The following CLUH variants were observed in gnomAD, a reference collection of about 807,000 sequenced individuals.
CLUH encodes the protein CLUH binding protein of NUMT mRNA, also known as clustered mitochondria protein homolog.
In CLUH, 77 loss-of-function variants were observed where a neutral mutation model predicts 139.3. The observed-to-expected ratio is 0.55, with a 90% CI of 0.46 to 0.67. The LOEUF (loss-of-function observed/expected upper bound fraction) is 0.67, where lower values mean the gene tolerates loss of function less well. CLUH is among the 30% of genes least tolerant of loss of function. The pLI is 0.00. For missense variants in CLUH, 1,876 were observed against 1,875.8 expected, an observed-to-expected ratio of 1.00 and a Z score of 0.00; for synonymous variants, 999 against 801.6, an observed-to-expected ratio of 1.25 and a Z score of -4.16.
intron 10 of CLUH, among the ~76,000 whole-genome samples, chr17:2,697,401 G>GGAAA (rs773741960): frequency 1.6e-5 from 2 of 121,754 alleles, no homozygotes; most frequent in African/African-American, 6.0e-5. Flanking sequence ...CTCCGTCTCA[G>GGAAA]AAAAAAAAAA....
At position 2,700,420 on chromosome 17, in the gene CLUH, G is replaced by C; in HGVS notation, c.1228C>G (p.Leu410Val). ...QTTRELPRKNLPERLLRERAI... is the reference protein window; with the variant it reads ...QTTRELPRKNVPERLLRERAI... ...CTTTCTCGGAGCAGCCGCTCAGGCA[G>C]GTTCTTGCGAGGCAGCTCCCTCGTC... Residue 410 changes from leucine (L) to valine (V), a missense_variant, in exon 9 of 26, where the codon CTG (leucine) becomes GTG (valine). Physicochemically the swap from Leu to Val is conservative, Grantham distance 32. Around this residue, in one of 3 missense-constraint regions of CLUH, gnomAD observed 1,454 missense variants for 1,384.4 expected, o/e 1.05. Coordinates refer to ENST00000651024, the MANE Select transcript of CLUH (RefSeq NM_001366661.1). The C allele has an allele frequency of 6.2e-7, 1 of 1,613,530 alleles. No individual in the cohort carries two copies.
Position 2,707,300 on chromosome 17 carries a change from C to A in CLUH, c.101-2736G>T. ...TCCTTGTTCCAGCCTCTGCCGCTAC[C>A]CTTGCCCTAATGCAGCCAGTCGGCC... On this transcript the variant is annotated intron_variant, in intron 1 of 25. Coordinates refer to ENST00000651024, the MANE Select transcript of CLUH (RefSeq NM_001366661.1). This position sits in a 1 kb window ranked among gnomAD's most constrained non-coding sequence, Gnocchi z 7.4. 1 of 985,448 alleles carries A rather than the reference C, an allele frequency of 1.0e-6. No homozygotes were observed. The highest frequency in any genetic ancestry group is 1.2e-6 in the Non-Finnish European group (1 of 829,932). 61.0% of individuals were successfully genotyped at this position (985,448 alleles called of 1,614,324 possible).
rs999020276 is a variant in CLUH at position 2,700,420 on chromosome 17, G to A, written c.1228C>T (p.Leu410=). 6.2e-7 allele frequency: 1 copy of A among 1,613,530 alleles called. No individual in the cohort carries two copies. The highest frequency in any genetic ancestry group is 8.5e-7 in the Non-Finnish European group (1 of 1,179,850). ...QTTRELPRKN[L]PERLLRERAI... is the part of the protein sequence containing the mutation. The stretch of plus-strand genomic sequence containing the variant: ...CTTTCTCGGAGCAGCCGCTCAGGCA[G>A]GTTCTTGCGAGGCAGCTCCCTCGTC... Residue 410 remains leucine, a synonymous_variant, in exon 9 of 26, where the codon CTG becomes TTG. Coordinates refer to ENST00000651024, the MANE Select transcript of CLUH (RefSeq NM_001366661.1).
chr17:2,690,789 G>T lies in CLUH; in HGVS notation c.3864-12C>A. On this transcript the variant is annotated splice_polypyrimidine_tract_variant and intron_variant, in intron 25 of 25. Coordinates refer to ENST00000651024, the MANE Select transcript of CLUH (RefSeq NM_001366661.1). ...CCAGGTCTTTTTGGCTGAGGATAAG[G>T]GTGGGGATGGAGGTGGCTCTCAGAG... 6.8e-7 allele frequency: 1 copy of T among 1,481,302 alleles called. No homozygotes were observed. The highest frequency in any genetic ancestry group is 1.4e-5 in the South Asian group (1 of 71,148). The allele number at this position is 1,481,302 out of a possible 1,614,324, so 91.8% of individuals were successfully genotyped here. A position where few individuals can be genotyped will look rare whatever the true frequency, so the allele number is the denominator to read the frequency against.
In CLUH at chr17:2,695,379, C is replaced by T. The variant is rs114233864; in HGVS notation, c.2539G>A (p.Val847Ile). 593 of 1,612,878 alleles carry T rather than the reference C, an allele frequency of 3.7e-4. 1 individual carries two copies. In the African/African-American group the frequency reaches 7.2e-3, roughly 19 times the overall value. Reference protein sequence around the residue: ...RSPARHQLDHVFKIGIGELIT... With the variant: ...RSPARHQLDHIFKIGIGELIT... ...CCACCCCGGGCAGCACTCACAAAGA[C>T]GTGGTCCAGCTGGTGGCGGGCCGGG... Residue 847 changes from valine to isoleucine, a missense_variant, in exon 14 of 26, where the codon GTC (valine) becomes ATC (isoleucine). Coordinates refer to ENST00000651024, the MANE Select transcript of CLUH (RefSeq NM_001366661.1).
In CLUH at chr17:2,704,496, C is replaced by T. The variant is rs372091511; in HGVS notation, c.169G>A (p.Glu57Lys). The change falls in exon 2 of 26, where the codon GAG becomes AAG. Residue 57 changes from glutamate (E) to lysine (K), a missense_variant. Glu to Lys is a moderately conservative substitution (Grantham distance 56). This residue lies in a region of CLUH where 152 missense variants were observed against 136.7 expected (regional missense o/e 1.11). Transcript: ENST00000651024. This position sits in a 1 kb window ranked among gnomAD's most constrained non-coding sequence, Gnocchi z 5.7. ...ESLKKEAAAAEPPRENGLDEA... is the reference protein window; with the variant it reads ...ESLKKEAAAAKPPRENGLDEA... ...TCAAGCCCATTTTCCCTGGGTGGCTCGGCCGCCGCCGCCTCCTTCTTCAGG... is the reference window on the plus strand; with the variant it reads ...TCAAGCCCATTTTCCCTGGGTGGCTTGGCCGCCGCCGCCTCCTTCTTCAGG... The T allele has an allele frequency of 1.6e-5, 25 of 1,587,284 alleles. No individual in the cohort carries two copies. The highest frequency in any genetic ancestry group is 5.4e-5 in the African/African-American group (4 of 74,366).
intron 9 of CLUH, among the ~76,000 whole-genome samples, chr17:2,698,822 C>A (rs2070071677): frequency 6.6e-6 from 1 of 152,024 alleles, no homozygotes; most frequent in South Asian, 2.1e-4. Context: ...GGCGGTCAGA[C>A]CACTTGAGGT....
rs367611914 is a variant in CLUH, at chr17:2,695,506, G to A, written c.2412C>T (p.His804=). 75 of 1,604,914 alleles carry A rather than the reference G, an allele frequency of 4.7e-5. No individual in the cohort carries two copies. The Middle Eastern group carries it at 4.9e-4, about 11-fold the overall frequency. ...IPGLVKDCME[H]AVLPVDGATL... ...TTGCCCCGTCCACGGGCAGGACCGC[G>A]TGCTCCATGCAGTCCTTCACCTGCG... Residue 804 remains histidine, a synonymous_variant, in exon 14 of 26, where the codon CAC becomes CAT. Transcript: ENST00000651024.
Position 2,698,276 on chromosome 17 carries a change from G to A in CLUH, c.1581C>T (p.Pro527=), listed in dbSNP as rs371039833. ...GYRVTAQSII[P]GILERDQEQS... is the part of the protein sequence containing the mutation. ...GCTCCTGGTCCCGCTCCAGGATGCC[G>A]GGGATGATGGACTGGGCCGTGACCC... Residue 527 remains proline (P), a synonymous_variant, in exon 10 of 26, where the codon CCC becomes CCT. Coordinates refer to ENST00000651024, the MANE Select transcript of CLUH (RefSeq NM_001366661.1). The A allele has an allele frequency of 4.0e-5, 64 of 1,610,692 alleles. No individual in the cohort carries two copies. Among genetic ancestry groups the A allele is most frequent in the Middle Eastern group, 3.3e-4 (2 of 6,082 alleles).
In CLUH at chr17:2,689,552, C is replaced by T. The variant is rs981744835; in HGVS notation, c.*1042G>A. 6.5e-6 allele frequency: 1 copy of T among 152,854 alleles called. No homozygotes were observed. The highest frequency in any genetic ancestry group is 1.5e-5 in the Non-Finnish European group (1 of 68,228). 9.5% of individuals were successfully genotyped at this position (152,854 alleles called of 1,614,324 possible). The stretch of plus-strand genomic sequence containing the variant: ...CGGACCACACCCATAAGCGGCTCTC[C>T]GCAAACCCAGGCAGACGCCCGTCTC... On this transcript the variant is annotated 3_prime_UTR_variant, in exon 26 of 26. Transcript: ENST00000651024.
chr17:2,692,551 C>T lies in CLUH; in HGVS notation c.3438+20G>A, dbSNP rs746125770. 5 of 1,605,184 alleles carry T rather than the reference C, an allele frequency of 3.1e-6. No individual in the cohort carries two copies. Among genetic ancestry groups the T allele is most frequent in the Non-Finnish European group, 2.5e-6 (3 of 1,176,810 alleles). On this transcript the variant is annotated intron_variant, in intron 21 of 25. Transcript: ENST00000651024. ...TGGGATGGAGCTGGGTCCCTGCCGCCCCCCCGCCCCAGCACTCACGTCCAG... is the reference window on the plus strand; with the variant it reads ...TGGGATGGAGCTGGGTCCCTGCCGCTCCCCCGCCCCAGCACTCACGTCCAG...
Position 2,693,985 on chromosome 17 carries a change from T to C in CLUH, c.3146A>G (p.Asn1049Ser). 1.2e-6 allele frequency: 2 copies of C among 1,613,790 alleles called. No individual in the cohort carries two copies. The highest frequency in any genetic ancestry group is 1.7e-6 in the Non-Finnish European group (2 of 1,179,802). ...LINEALNLFN[N>S]VYGAMHVETC... ...CTCCACGTGCATGGCTCCGTAGACG[T>C]TGTTAAACAGGTTCAGGGCCTCATT... The change falls in exon 19 of 26, where the codon AAC becomes AGC. Residue 1049 changes from asparagine to serine, a missense_variant. Coordinates refer to ENST00000651024, the MANE Select transcript of CLUH (RefSeq NM_001366661.1).
Position 2,692,633 on chromosome 17 carries a change from G to T in CLUH, c.3376C>A (p.Arg1126Ser). 6.2e-7 allele frequency: 1 copy of T among 1,612,812 alleles called. No homozygotes were observed. ...ACCAGCAGCATGAGGTAGCGGGCGC[G>T]GTACAGCAGGCTCAGGGCGGTGGAC... Reference protein sequence around the residue: ...QLSTALSLLYRARYLMLLVFG... With the variant: ...QLSTALSLLYSARYLMLLVFG... The change falls in exon 21 of 26, where the codon CGC (arginine) becomes AGC (serine). Residue 1126 changes from arginine to serine, a missense_variant. Physicochemically the swap from Arg to Ser is moderately radical, Grantham distance 110. Transcript: ENST00000651024.
intron 1 of CLUH, among the ~76,000 whole-genome samples, chr17:2,709,774 C>A (rs2070455848): frequency 6.6e-6 from 1 of 152,168 alleles, no homozygotes; most frequent in African/African-American, 2.4e-5. Flanking sequence ...TGGGCCCCAG[C>A]TGGGGGGTCT....
chr17:2,694,821 A>AAACCCCCCCCCCCC, intron 16 of CLUH, 36 bp downstream of exon 16: 7 of 1,446,324 alleles, frequency 4.8e-6, no homozygotes, highest in Non-Finnish European at 6.4e-6. Context: ...CATCTGCCCA[A>AAACCCCCCCCCCCC]TCCCACCCAC....
At position 2,690,679 on chromosome 17, in the gene CLUH, G is replaced by A. The variant is rs780134393; in HGVS notation, c.3962C>T (p.Thr1321Ile). The A allele has an allele frequency of 6.4e-7, 1 of 1,563,810 alleles. No homozygotes were observed. Among genetic ancestry groups the A allele is most frequent in the Admixed American group, 2.1e-5 (1 of 48,726 alleles). ...TGGGGCCCCCGCTGGCGCGGGCTCG[G>A]TAGCCATGGGCTCCTCGGCTCTATC... ...NRDRAEEPMA[T>I]EPAPAGAPGD... The change falls in exon 26 of 26, where the codon ACC becomes ATC. Residue 1321 changes from threonine to isoleucine, a missense_variant. Transcript: ENST00000651024.
chr17:2,698,571 G>A lies in CLUH; in HGVS notation c.1286C>T (p.Ala429Val), dbSNP rs761016997. 6.2e-7 allele frequency: 1 copy of A among 1,606,092 alleles called. No homozygotes were observed. Among genetic ancestry groups the A allele is most frequent in the Non-Finnish European group, 8.5e-7 (1 of 1,175,938 alleles). Reference sequence around the variant, plus strand: ...GGCCATGGCGCCCCTGGTGGCTGCCGCGGTGAAGTCGCTGTGCACCTGGCG... The same window carrying A: ...GGCCATGGCGCCCCTGGTGGCTGCCACGGTGAAGTCGCTGTGCACCTGGCG... ...AIFKVHSDFT[A>V]AATRGAMAVI... The change falls in exon 10 of 26, where the codon GCG (alanine) becomes GTG (valine). Residue 429 changes from alanine to valine, a missense_variant. Ala to Val is a moderately conservative substitution (Grantham distance 64, BLOSUM62 0). Transcript: ENST00000651024.
chr17:2,696,300 A>C, intron 12 of CLUH, 41 bp from the exon 13 acceptor site: 2 of 1,537,508 alleles, frequency 1.3e-6, no homozygotes, highest in Non-Finnish European at 1.8e-6. Context: ...AGGCAGTGGC[A>C]AGACAAATGC....
rs778570568 is a variant in CLUH at position 2,693,941 on chromosome 17, G to C, written c.3190C>G (p.Leu1064Val). The C allele has an allele frequency of 1.9e-5, 31 of 1,613,180 alleles. No homozygotes were observed. The highest frequency in any genetic ancestry group is 2.6e-5 in the Non-Finnish European group (31 of 1,179,746). Residue 1064 changes from leucine (L) to valine (V), a missense_variant, in exon 19 of 26, where the codon CTC becomes GTC. Leu to Val is a conservative substitution (Grantham distance 32, BLOSUM62 1). Coordinates refer to ENST00000651024, the MANE Select transcript of CLUH (RefSeq NM_001366661.1). ...ATGATGTAGTGGAGGCGGGCGAGGA[G>C]GCGCAGGCAGGCGCAGGTCTCCACG... ...MHVETCACLRLLARLHYIMGD... is the reference protein window; with the variant it reads ...MHVETCACLRVLARLHYIMGD...
Sources: allele counts gnomAD v4.1 joint callset (sites outside exome capture counted in the v4.1 genomes callset), GRCh38; gene constraint gnomAD v4.1.1; regional missense constraint gnomAD v4.1.1; non-coding constraint Gnocchi (gnomAD v3.1); transcripts MANE v1.5; gene names NCBI Gene and HGNC (gene_info 2026-07-23, HGNC 2026-07-21).